The following CSMD1 variants were observed in gnomAD, a reference collection of about 807,000 sequenced individuals.
The protein encoded by CSMD1 is CUB and sushi domain-containing protein 1.
A neutral mutation model predicts 417.5 loss-of-function variants in CSMD1; 213 were observed. The ratio of observed to expected loss-of-function variants is 0.51; its 90% CI spans 0.46 to 0.57. The LOEUF (loss-of-function observed/expected upper bound fraction) is 0.57. Ranked by LOEUF, CSMD1 falls within the 20% of genes least tolerant of loss-of-function variation. The pLI is 0.00. For missense variants in CSMD1, 6,923 were observed against 4,529.7 expected (o/e 1.53, Z -15.17); for synonymous variants, 2,862 against 1,736.8 (o/e 1.65, Z -16.11).
chr8:3,327,814 C>G (rs945406885), intron 23 of CSMD1, among the ~76,000 whole-genome samples: 1 of 151,990 alleles, frequency 6.6e-6, no homozygotes, highest in African/African-American at 2.4e-5. Flanking sequence ...TGTGTTTTTT[C>G]CTTTAGCTCC....
chr8:3,947,532 T>C (rs1445891611), intron 5 of CSMD1, among the ~76,000 whole-genome samples: 1 of 152,206 alleles, frequency 6.6e-6, no homozygotes, highest in Non-Finnish European at 1.5e-5. Context: ...AACACTCTTC[T>C]ACATAACCCA....
intron 4 of CSMD1, among the ~76,000 whole-genome samples, chr8:4,000,621 G>A (rs534101581): frequency 6.6e-6 from 1 of 152,284 alleles, no homozygotes; most frequent in South Asian, 2.1e-4. Context: ...ATAAAGGGAT[G>A]AGGTAAACAG....
At chr8:3,745,392 G>T (rs185674458) in intron 6 of CSMD1, among the ~76,000 whole-genome samples, 11 of 152,262 alleles carry the variant, frequency 7.2e-5, no homozygotes, top group African/African-American at 7.2e-5. Flanking sequence ...AACCCTCTGA[G>T]ACATTTCTTC....
At chr8:3,355,215 T>G (rs368210099) in intron 21 of CSMD1, among the ~76,000 whole-genome samples, 9 of 152,286 alleles carry the variant, frequency 5.9e-5, no homozygotes, top group Admixed American at 2.6e-4. Context: ...AATCTCTTAC[T>G]AGATACGGAT....
intron 2 of CSMD1, among the ~76,000 whole-genome samples, chr8:4,525,490 G>A (rs984547908): frequency 3.3e-5 from 5 of 152,162 alleles, no homozygotes; most frequent in Non-Finnish European, 7.3e-5. Context: ...TTTGTCGTAA[G>A]AGCAATTTAG....
chr8:3,476,578 T>C (rs1022287251), intron 11 of CSMD1, among the ~76,000 whole-genome samples: 4 of 152,116 alleles, frequency 2.6e-5, no homozygotes, highest in Admixed American at 2.0e-4. Context: ...ACACAGAACA[T>C]ACATCCATTG....
At chr8:4,226,198 C>G (rs1299240326) in intron 3 of CSMD1, among the ~76,000 whole-genome samples, 1 of 151,960 alleles carries the variant, frequency 6.6e-6, no homozygotes, top group Non-Finnish European at 1.5e-5. Context: ...GATCATTTTA[C>G]TAACCACTCT....
At chr8:4,553,868 A>G (rs1160667693) in intron 2 of CSMD1, among the ~76,000 whole-genome samples, 1 of 152,182 alleles carries the variant, frequency 6.6e-6, no homozygotes, top group Non-Finnish European at 1.5e-5. Flanking sequence ...GGGTTAGCAT[A>G]AACCAAAACA....
intron 3 of CSMD1, among the ~76,000 whole-genome samples, chr8:4,345,214 T>A (rs529818525): frequency 3.0e-4 from 45 of 152,240 alleles, no homozygotes; most frequent in South Asian, 1.0e-3. Context: ...CGCTAACATA[T>A]ATTAGCAGCT....
At chr8:3,842,465 T>A (rs560173842) in intron 5 of CSMD1, among the ~76,000 whole-genome samples, 1 of 152,292 alleles carries the variant, frequency 6.6e-6, no homozygotes, top group East Asian at 1.9e-4. Flanking sequence ...ATTCTCATTG[T>A]TCATTACTAG....
At chr8:4,850,917 T>C (rs115125109) in intron 1 of CSMD1, among the ~76,000 whole-genome samples, 12,373 of 140,472 alleles carry the variant, frequency 0.088, 668 homozygotes, top group African/African-American at 0.16. Context: ...CCCCCCCACT[T>C]TTTGTGGTTA....
chr8:3,790,266 G>T (rs1369163537), intron 5 of CSMD1, among the ~76,000 whole-genome samples: 2 of 152,106 alleles, frequency 1.3e-5, no homozygotes, highest in Admixed American at 6.5e-5. Context: ...AAACTGAAAC[G>T]AAATAACAGA....
At chr8:4,107,928 G>A (rs1243380783) in intron 3 of CSMD1, among the ~76,000 whole-genome samples, 1 of 152,094 alleles carries the variant, frequency 6.6e-6, no homozygotes, top group Non-Finnish European at 1.5e-5. Flanking sequence ...TTTCGTCAAA[G>A]TTTTGCCCCC....
intron 3 of CSMD1, among the ~76,000 whole-genome samples, chr8:4,157,480 C>A (rs563334035): frequency 2.6e-4 from 39 of 152,156 alleles, no homozygotes; most frequent in Non-Finnish European, 5.1e-4. Context: ...TTCCTTCCTT[C>A]CTTCTGACTA....
intron 3 of CSMD1, among the ~76,000 whole-genome samples, chr8:4,400,886 G>C (rs1392526625): frequency 6.6e-6 from 1 of 151,522 alleles, no homozygotes; most frequent in African/African-American, 2.4e-5. Context: ...GGATTTACCA[G>C]GTGCCAATCT....
chr8:3,049,790 G>T (rs923929510), intron 50 of CSMD1, among the ~76,000 whole-genome samples: 1 of 152,126 alleles, frequency 6.6e-6, no homozygotes, highest in Admixed American at 6.5e-5. Context: ...GTATGTCAAT[G>T]TAGGTGCATC....
chr8:3,611,701 A>G (rs188165025), intron 8 of CSMD1, among the ~76,000 whole-genome samples: 2 of 152,292 alleles, frequency 1.3e-5, no homozygotes, highest in Non-Finnish European at 2.9e-5. Context: ...CTAATGAAAT[A>G]CATGGTAATA....
At chr8:3,854,919 A>G (rs904540838) in intron 5 of CSMD1, among the ~76,000 whole-genome samples, 1 of 152,148 alleles carries the variant, frequency 6.6e-6, no homozygotes, top group African/African-American at 2.4e-5. Context: ...CATTTCTAAC[A>G]TGTAACAATG....
rs190470274 is a variant in CSMD1 at position 3,855,149 on chromosome 8, G to A, written c.819-101107C>T. On this transcript the variant is annotated intron_variant, in intron 5 of 69. Coordinates refer to ENST00000635120, the MANE Select transcript of CSMD1 (RefSeq NM_033225.6). ...TTTCTGTACTCTCTATTTTCATAAT[G>A]TTTCTAATTAAGACAAATTACTTTC... Among the ~76,000 whole-genome samples, 5 of 152,160 alleles carry A rather than the reference G, an allele frequency of 3.3e-5. No homozygotes were observed. The East Asian group carries it at 7.7e-4, about 23-fold the overall frequency.
Sources: allele counts gnomAD v4.1 joint callset (sites outside exome capture counted in the v4.1 genomes callset), GRCh38; gene constraint gnomAD v4.1.1; transcripts MANE v1.5; gene names NCBI Gene and HGNC (gene_info 2026-07-23, HGNC 2026-07-21).